AFAP1L2: variants seen among roughly 807,000 people sequenced by gnomAD.
AFAP1L2 encodes actin filament associated protein 1 like 2.
Under a neutral mutation model 99.3 loss-of-function variants are expected in AFAP1L2, and 46 were observed. That is an observed-to-expected ratio of 0.46 (90% CI 0.37 to 0.59). The LOEUF (loss-of-function observed/expected upper bound fraction) is 0.59, where lower values mean the gene tolerates loss of function less well. AFAP1L2 is among the 20% of genes least tolerant of loss of function. The pLI is 0.00. For missense variants in AFAP1L2, 959 were observed against 1,034.9 expected, an observed-to-expected ratio of 0.93 and a Z score of 1.01; for synonymous variants, 397 against 419.1, an observed-to-expected ratio of 0.95 and a Z score of 0.64.
At chr10:114,289,715 C>A in the AFAP1L2 span, 463 of 581,416 alleles carry the variant, frequency 8.0e-4, 1 homozygote, top group African/African-American at 7.6e-3. Flanking sequence ...ATAGATAACT[C>A]CCCCCAAACT....
intron 8 of AFAP1L2, among the ~76,000 whole-genome samples, chr10:114,309,929 C>G (rs1246109807): frequency 6.6e-6 from 1 of 152,066 alleles, no homozygotes; most frequent in Non-Finnish European, 1.5e-5. Context: ...GTTTCTTCTT[C>G]TCTTTTTTCT....
intron 1 of AFAP1L2, among the ~76,000 whole-genome samples, chr10:114,356,393 G>A (rs1227008914): frequency 4.0e-5 from 6 of 151,230 alleles, no homozygotes; most frequent in Admixed American, 2.0e-4. Flanking sequence ...GGTTTCCCCC[G>A]CCAAACAAAC....
intron 2 of AFAP1L2, among the ~76,000 whole-genome samples, chr10:114,335,286 A>G (rs2047769195): frequency 6.6e-6 from 1 of 152,268 alleles, no homozygotes; most frequent in Admixed American, 6.5e-5. Context: ...GACATTCACT[A>G]CAATACTGCA....
intron 11 of AFAP1L2, among the ~76,000 whole-genome samples, chr10:114,304,412 C>A (rs2041774938): frequency 6.6e-6 from 1 of 152,104 alleles, no homozygotes; most frequent in Admixed American, 6.5e-5. Flanking sequence ...GCTGGTGATA[C>A]CCAAACAAAA....
the AFAP1L2 span, among the ~76,000 whole-genome samples, chr10:114,285,203 C>A: frequency 6.6e-6 from 1 of 152,206 alleles, no homozygotes; most frequent in Non-Finnish European, 1.5e-5. Context: ...TTATTAGCTG[C>A]AGAATGGTCA....
At chr10:114,404,393 G>C (rs1203463272) in intron 1 of AFAP1L2, 47 bp downstream of exon 1, 1 of 1,527,404 alleles carries the variant, frequency 6.5e-7, no homozygotes, top group African/African-American at 1.4e-5. Context: ...CGCGTCGCTG[G>C]GCGAAAGGGA....
intron 1 of AFAP1L2, among the ~76,000 whole-genome samples, chr10:114,349,032 A>G (rs2050028546): frequency 1.3e-5 from 2 of 152,178 alleles, no homozygotes; most frequent in East Asian, 3.8e-4. Context: ...GATATATTTC[A>G]AAATACATTT....
At chr10:114,308,285 T>C in intron 9 of AFAP1L2, 148 bp downstream of exon 9, 2 of 672,550 alleles carry the variant, frequency 3.0e-6, no homozygotes, top group South Asian at 3.9e-5. Context: ...CGAGTCTCCC[T>C]TTTTCCTGGA....
the AFAP1L2 span, chr10:114,288,883 C>T: frequency 2.0e-3 from 3,084 of 1,549,068 alleles, 5 homozygotes; most frequent in Non-Finnish European, 2.3e-3. Flanking sequence ...TGGGTCCCGT[C>T]GAGGGGCTCT....
chr10:114,327,202 T>G (rs2046505192), intron 4 of AFAP1L2, among the ~76,000 whole-genome samples: 1 of 133,926 alleles, frequency 7.5e-6, no homozygotes, highest in Non-Finnish European at 1.6e-5. Context: ...TCTCACTGTG[T>G]TGCCCAGGCT....
At chr10:114,282,755 A>G in the AFAP1L2 span, among the ~76,000 whole-genome samples, 11 of 152,214 alleles carry the variant, frequency 7.2e-5, no homozygotes, top group Admixed American at 3.3e-4. Flanking sequence ...TTTGCTCATT[A>G]AGAATGGAGT....
intron 1 of AFAP1L2, among the ~76,000 whole-genome samples, chr10:114,346,732 G>A (rs2049640974): frequency 2.0e-5 from 3 of 152,210 alleles, no homozygotes; most frequent in Admixed American, 6.5e-5. Context: ...CCCTTGTGCA[G>A]GCTTTCCATC....
intron 7 of AFAP1L2, among the ~76,000 whole-genome samples, chr10:114,312,084 CTT>C (rs1463545922): frequency 1.3e-5 from 2 of 152,132 alleles, no homozygotes; most frequent in Non-Finnish European, 2.9e-5. Context: ...TGAAAGCGTT[CTT>C]GTCTTTGAAA....
intron 1 of AFAP1L2, among the ~76,000 whole-genome samples, chr10:114,370,068 A>T (rs572461246): frequency 6.6e-6 from 1 of 152,310 alleles, no homozygotes; most frequent in African/African-American, 2.4e-5. Flanking sequence ...CCCATCACTA[A>T]TAGAAAATTA....
chr10:114,289,528 G>A, the AFAP1L2 span: 2 of 1,608,206 alleles, frequency 1.2e-6, no homozygotes, highest in East Asian at 4.5e-5. Context: ...CTGCCCCCAT[G>A]GCAGGCCCTC....
intron 1 of AFAP1L2, among the ~76,000 whole-genome samples, chr10:114,349,383 C>CAAAAAAAA (rs113553514): frequency 2.3e-5 from 2 of 86,246 alleles, no homozygotes; most frequent in Non-Finnish European, 4.3e-5. Context: ...AACTCGGTCT[C>CAAAAAAAA]AAAAAAAAAA....
intron 1 of AFAP1L2, among the ~76,000 whole-genome samples, chr10:114,382,076 G>T (rs2055705481): frequency 6.6e-6 from 1 of 152,216 alleles, no homozygotes; most frequent in South Asian, 2.1e-4. Context: ...AGAGTGAAAA[G>T]GGACACAGCC....
the AFAP1L2 span, chr10:114,289,519 T>C: frequency 6.2e-7 from 1 of 1,611,152 alleles, no homozygotes; most frequent in Non-Finnish European, 8.5e-7. Flanking sequence ...CCCTCAGGGC[T>C]GCCCCCATGG....
At chr10:114,396,595 G>A (rs1405322079) in intron 1 of AFAP1L2, among the ~76,000 whole-genome samples, 1 of 152,160 alleles carries the variant, frequency 6.6e-6, no homozygotes, top group Non-Finnish European at 1.5e-5. Flanking sequence ...AAAACAAAAA[G>A]TCAACCAGGA....
Sources: gnomAD v4.1 joint callset for allele counts (sites outside exome capture counted in the v4.1 genomes callset) on GRCh38, gnomAD v4.1.1 for gene constraint, MANE v1.5 for transcripts, NCBI Gene and HGNC (gene_info 2026-07-23, HGNC 2026-07-21) for gene names.